The following ARL5C variants were observed in gnomAD, a reference collection of about 807,000 sequenced individuals.
ARL5C encodes the protein putative ADP-ribosylation factor-like protein 5C.
Under a neutral mutation model 20.8 loss-of-function variants are expected in ARL5C, and 21 were observed. That is an observed-to-expected ratio of 1.01 (90% CI 0.72 to 1.46). The LOEUF (loss-of-function observed/expected upper bound fraction) is 1.46. ARL5C is among the 40% of genes most tolerant of loss of function. The pLI is 0.00. For missense variants in ARL5C, 199 were observed against 225.1 expected (o/e 0.88, Z 0.74); for synonymous variants, 71 against 81.6 (o/e 0.87, Z 0.70).
chr17:39,158,855 C>G (rs934397228), intron 5 of ARL5C, among the ~76,000 whole-genome samples: 3 of 151,772 alleles, frequency 2.0e-5, no homozygotes, highest in Admixed American at 6.6e-5. Context: ...TTTGTTTTTG[C>G]TTTTGGAAAT....
At chr17:39,165,056 C>G (rs1437015398) in intron 2 of ARL5C, 23 bp downstream of exon 2, 13 of 1,551,354 alleles carry the variant, frequency 8.4e-6, no homozygotes. Flanking sequence ...GCTCTCTACC[C>G]TCCCCGCCCG....
chr17:39,162,595 C>G, intron 3 of ARL5C, 116 bp downstream of exon 3: 4 of 1,306,590 alleles, frequency 3.1e-6, no homozygotes, highest in Non-Finnish European at 4.1e-6. Flanking sequence ...GCCACAGGAA[C>G]CGACCATTAT....
At chr17:39,162,988 C>A in intron 2 of ARL5C, 130 bp from the exon 3 acceptor site, 1 of 1,123,516 alleles carries the variant, frequency 8.9e-7, no homozygotes. Flanking sequence ...CAAACACCTG[C>A]TCGGAGCCAG....
Position 39,165,063 on chromosome 17 carries a change from C to G in ARL5C, c.107+16G>C. The stretch of plus-strand genomic sequence containing the variant: ...GAGGCCCAGCTCTCTACCCTCCCCG[C>G]CCGAGAGTCACTTACAACCGGTAGA... On this transcript the variant is annotated intron_variant, in intron 2 of 5. Coordinates refer to ENST00000269586, the MANE Select transcript of ARL5C (RefSeq NM_001143968.1). 6.4e-7 allele frequency: 1 copy of G among 1,551,610 alleles called. No individual in the cohort carries two copies. The highest frequency in any genetic ancestry group is 8.7e-7 in the Non-Finnish European group (1 of 1,146,868).
intron 5 of ARL5C, 80 bp from the exon 6 acceptor site, chr17:39,157,022 C>A (rs187714852): frequency 2.1e-5 from 32 of 1,491,886 alleles, no homozygotes; most frequent in Admixed American, 1.5e-4. Context: ...TTGCCCAGAT[C>A]GGACTGGGTG....
intron 5 of ARL5C, 73 bp from the exon 6 acceptor site, chr17:39,157,015 C>T: frequency 3.3e-6 from 5 of 1,517,188 alleles, no homozygotes; most frequent in Non-Finnish European, 4.5e-6. Flanking sequence ...CCAGCCCTTG[C>T]CCAGATCGGA....
At chr17:39,157,276 C>T (rs1003835110) in intron 5 of ARL5C, among the ~76,000 whole-genome samples, 3 of 152,206 alleles carry the variant, frequency 2.0e-5, no homozygotes, top group African/African-American at 7.2e-5. Flanking sequence ...TCAGGGAGGG[C>T]TTCTCTGAGG....
At position 39,165,151 on chromosome 17, in the gene ARL5C, G is replaced by A. The variant is rs2045456513; in HGVS notation, c.47-12C>T. On this transcript the variant is annotated splice_polypyrimidine_tract_variant and intron_variant, in intron 1 of 5. Coordinates refer to ENST00000269586, the MANE Select transcript of ARL5C (RefSeq NM_001143968.1). ...GATGACCGTGTGCTCTGGAAGCGTC[G>A]GAGGAAGGGCAGCGTCAGGGCCAAA... 1.3e-6 allele frequency: 2 copies of A among 1,551,014 alleles called. No homozygotes were observed. The highest frequency in any genetic ancestry group is 8.7e-7 in the Non-Finnish European group (1 of 1,146,816).
intron 1 of ARL5C, 90 bp from the exon 2 acceptor site, chr17:39,165,229 G>A: frequency 4.5e-6 from 6 of 1,341,364 alleles, no homozygotes; most frequent in Non-Finnish European, 6.2e-6. Flanking sequence ...GAAGGAGATA[G>A]CGCTCCCCGC....
At chr17:39,157,092 G>A in intron 5 of ARL5C, 150 bp from the exon 6 acceptor site, 1 of 871,696 alleles carries the variant, frequency 1.1e-6, no homozygotes, top group Non-Finnish European at 1.8e-6. Flanking sequence ...TTGAGTATCT[G>A]CTGTGCATCA....
chr17:39,159,301 T>C (rs557198624), intron 5 of ARL5C, among the ~76,000 whole-genome samples: 18 of 143,902 alleles, frequency 1.3e-4, no homozygotes, highest in African/African-American at 2.4e-4. Context: ...TTCTTTCTTT[T>C]TTTTTTTTTT....
chr17:39,165,630 C>A, intron 1 of ARL5C, 85 bp downstream of exon 1: 1 of 1,516,968 alleles, frequency 6.6e-7, no homozygotes, highest in South Asian at 1.2e-5. Flanking sequence ...CCCGAGGTCC[C>A]CCCGTGCGTC....
intron 1 of ARL5C, chr17:39,165,346 A>C: frequency 1.6e-6 from 1 of 607,776 alleles, no homozygotes; most frequent in Admixed American, 2.9e-5. Context: ...ACCTCCCTTC[A>C]CATTCCAGAA....
At chr17:39,162,610 T>C in intron 3 of ARL5C, 101 bp downstream of exon 3, 2 of 1,391,744 alleles carry the variant, frequency 1.4e-6, no homozygotes, top group Middle Eastern at 2.0e-4. Flanking sequence ...CATTATAATC[T>C]CTATTTCACA....
At chr17:39,161,152 G>T in intron 4 of ARL5C, 116 bp downstream of exon 4, 1 of 971,850 alleles carries the variant, frequency 1.0e-6, no homozygotes, top group Non-Finnish European at 1.6e-6. Context: ...CATGCTGCTG[G>T]TATAGAGGCT....
intron 1 of ARL5C, 199 bp from the exon 2 acceptor site, chr17:39,165,338 C>T (rs1306372372): frequency 1.3e-5 from 8 of 612,108 alleles, no homozygotes; most frequent in Non-Finnish European, 2.3e-5. Flanking sequence ...GAGCCCCCAC[C>T]TCCCTTCACA....
intron 2 of ARL5C, 23 bp downstream of exon 2, chr17:39,165,056 C>T (rs1437015398): frequency 7.7e-6 from 12 of 1,551,354 alleles, no homozygotes; most frequent in Non-Finnish European, 1.0e-5. Flanking sequence ...GCTCTCTACC[C>T]TCCCCGCCCG....
intron 1 of ARL5C, 21 bp from the exon 2 acceptor site, chr17:39,165,160 G>A: frequency 6.4e-7 from 1 of 1,551,274 alleles, no homozygotes; most frequent in Non-Finnish European, 8.7e-7. Flanking sequence ...CGGAGGAAGG[G>A]CAGCGTCAGG....
Position 39,165,892 on chromosome 17 carries a change from C to T in ARL5C, c.-132G>A, listed in dbSNP as rs1175197566. ...CCTACGAAGTTAGGGAAGCCCCACA[C>T]GTCACCAACCTGACCTGGGAACCCT... On this transcript the variant is annotated 5_prime_UTR_variant, in exon 1 of 6. In the 5' UTR this introduces an upstream ATG that the reference lacks. Transcript: ENST00000269586. The T allele has an allele frequency of 2.9e-6, 3 of 1,027,206 alleles. No homozygotes were observed. The highest frequency in any genetic ancestry group is 1.6e-5 in the African/African-American group (1 of 62,776). The allele number at this position is 1,027,206 out of a possible 1,614,324, so 63.6% of individuals were successfully genotyped here. A position where few individuals can be genotyped will look rare whatever the true frequency, so the allele number is the denominator to read the frequency against.
Sources: allele counts gnomAD v4.1 joint callset (sites outside exome capture counted in the v4.1 genomes callset), GRCh38; gene constraint gnomAD v4.1.1; transcripts MANE v1.5; gene names NCBI Gene and HGNC (gene_info 2026-07-23, HGNC 2026-07-21).